STX17: variants seen among roughly 807,000 people sequenced by gnomAD.
The protein encoded by STX17 is syntaxin 17.
In STX17, 29 loss-of-function variants were observed where a neutral mutation model predicts 35.9. The observed-to-expected ratio is 0.81, with a 90% CI of 0.60 to 1.10. The LOEUF (loss-of-function observed/expected upper bound fraction) is 1.10. Among genes scored for constraint, STX17 ranks in the 50% least tolerant of loss-of-function variants. The probability of loss-of-function intolerance (pLI) is 0.00; values close to 1 mark genes in which losing one functional copy is unlikely to be tolerated. For missense variants in STX17, 312 were observed against 352.3 expected (o/e 0.89, Z 0.92); for synonymous variants, 92 against 118.3 (o/e 0.78, Z 1.44).
intron 4 of STX17, among the ~76,000 whole-genome samples, chr9:99,954,945 G>A (rs1453772899): frequency 6.6e-6 from 1 of 152,068 alleles, no homozygotes; most frequent in Non-Finnish European, 1.5e-5. Context: ...GATTCCGAGA[G>A]TTCCTAAAGC....
chr9:99,962,553 A>G (rs1829847583), intron 6 of STX17, among the ~76,000 whole-genome samples: 1 of 152,198 alleles, frequency 6.6e-6, no homozygotes, highest in African/African-American at 2.4e-5. Context: ...CACATGTACA[A>G]AGTTCTTACT....
Position 99,973,864 on chromosome 9 carries a change from T to A in STX17, c.*5191T>A, listed in dbSNP as rs888740297. 6.6e-6 allele frequency among the ~76,000 whole-genome samples: 1 copy of A among 152,162 alleles called. No individual in the cohort carries two copies. The highest frequency in any genetic ancestry group is 1.5e-5 in the Non-Finnish European group (1 of 68,026). On this transcript the variant is annotated 3_prime_UTR_variant, in exon 8 of 8. Transcript: ENST00000259400. ...CTTCTACGTTCTGGCCCCAGCTTTA[T>A]CTCTTGAAACTCACTACTCACCATC...
At chr9:99,950,006 A>C (rs961247165) in intron 3 of STX17, among the ~76,000 whole-genome samples, 5 of 151,780 alleles carry the variant, frequency 3.3e-5, no homozygotes, top group African/African-American at 1.2e-4. Context: ...CTAGCAAATG[A>C]ATTCAGCATT....
At chr9:99,907,829 T>G (rs982170145) in intron 1 of STX17, among the ~76,000 whole-genome samples, 1 of 152,184 alleles carries the variant, frequency 6.6e-6, no homozygotes, top group Admixed American at 6.5e-5. Flanking sequence ...TGATTTTTTT[T>G]CCTGTATTAA....
chr9:99,946,591 C>T (rs1019625505), intron 3 of STX17, among the ~76,000 whole-genome samples: 3 of 152,100 alleles, frequency 2.0e-5, no homozygotes, highest in African/African-American at 4.8e-5. Context: ...TTTCTTTTTG[C>T]ATTTCCAACT....
intron 3 of STX17, among the ~76,000 whole-genome samples, chr9:99,941,442 T>G (rs903603236): frequency 1.3e-5 from 2 of 152,202 alleles, no homozygotes; most frequent in African/African-American, 2.4e-5. Context: ...TGTAGTAGTA[T>G]TTTCTGAAAG....
In STX17 at chr9:99,926,790, G is replaced by A. The variant is rs556994869; in HGVS notation, c.124-1988G>A. On this transcript the variant is annotated intron_variant, in intron 2 of 7. Coordinates refer to ENST00000259400, the MANE Select transcript of STX17 (RefSeq NM_017919.3). ...TGGGATTACAGGCGTGAGCCACTGC[G>A]CCCAGCCTTGAGTCTTTCTTTTAAC... 6.1e-4 allele frequency among the ~76,000 whole-genome samples: 93 copies of A among 152,272 alleles called. 1 individual carries two copies. In the South Asian group the frequency reaches 0.016, roughly 26 times the overall value.
At chr9:99,938,628 T>A (rs1829286473) in intron 3 of STX17, among the ~76,000 whole-genome samples, 2 of 152,146 alleles carry the variant, frequency 1.3e-5, no homozygotes, top group Admixed American at 1.3e-4. Context: ...CTACAAAAAA[T>A]ACCAAAAAAT....
At chr9:99,939,497 T>C (rs773378010) in intron 3 of STX17, among the ~76,000 whole-genome samples, 1 of 152,220 alleles carries the variant, frequency 6.6e-6, no homozygotes, top group African/African-American at 2.4e-5. Context: ...AAGAAAAAAG[T>C]ACTGCCAGTT....
chr9:99,924,323 ATG>A (rs1828946441), intron 2 of STX17, among the ~76,000 whole-genome samples: 1 of 152,134 alleles, frequency 6.6e-6, no homozygotes. Context: ...AACAAAAGAC[ATG>A]TGTCTGTCAT....
In STX17 at chr9:99,970,313, A is replaced by G. The variant is rs1335335820; in HGVS notation, c.*1640A>G. 1 of 152,222 alleles carries G rather than the reference A, an allele frequency of 6.6e-6. No homozygotes were observed. Among genetic ancestry groups the G allele is most frequent in the African/African-American group, 2.4e-5 (1 of 41,448 alleles). The allele number at this position is 152,222 out of a possible 1,614,324, so 9.4% of individuals were successfully genotyped here. ...ATCCAGTGAAACAGCACCATTTCTT[A>G]GTATCATTAAATAACTAGAAAGTAT... is the stretch of plus-strand genomic sequence containing the variant. On this transcript the variant is annotated 3_prime_UTR_variant, in exon 8 of 8. Transcript: ENST00000259400.
At chr9:99,963,915 C>T (rs1202559403) in intron 6 of STX17, among the ~76,000 whole-genome samples, 1 of 151,858 alleles carries the variant, frequency 6.6e-6, no homozygotes, top group African/African-American at 2.4e-5. Context: ...GAGTTTAGAA[C>T]CAGAATAGCT....
chr9:99,949,253 T>C lies in STX17; in HGVS notation c.190-1807T>C, dbSNP rs79402009. ...TTAGGTTTTTCAGCTCATATTAGAA[T>C]GGTAAGAGACTGAAGATAAGGTTAC... On this transcript the variant is annotated intron_variant, in intron 3 of 7. Coordinates refer to ENST00000259400, the MANE Select transcript of STX17 (RefSeq NM_017919.3). Among the ~76,000 whole-genome samples, 1,051 of 152,220 alleles carry C rather than the reference T, an allele frequency of 6.9e-3. 9 individuals carry two copies. The highest frequency in any genetic ancestry group is 0.012 in the Non-Finnish European group (788 of 67,956).
chr9:99,933,783 A>G (rs1829173085), intron 3 of STX17, among the ~76,000 whole-genome samples: 1 of 152,178 alleles, frequency 6.6e-6, no homozygotes, highest in Non-Finnish European at 1.5e-5. Context: ...TTAATTTAAA[A>G]CACATTGTAA....
At chr9:99,948,558 T>C (rs1829529874) in intron 3 of STX17, among the ~76,000 whole-genome samples, 1 of 152,138 alleles carries the variant, frequency 6.6e-6, no homozygotes, top group Non-Finnish European at 1.5e-5. Context: ...TTTGAACTTC[T>C]TGCTTTAATT....
intron 2 of STX17, among the ~76,000 whole-genome samples, chr9:99,922,520 G>A (rs1587915001): frequency 6.6e-6 from 1 of 152,144 alleles, no homozygotes; most frequent in African/African-American, 2.4e-5. Context: ...CTTGCTGAAC[G>A]AGAACATCAA....
intron 6 of STX17, among the ~76,000 whole-genome samples, chr9:99,963,160 AAG>A (rs1829859229): frequency 6.6e-6 from 1 of 152,218 alleles, no homozygotes; most frequent in African/African-American, 2.4e-5. Flanking sequence ...CCACTATAAA[AAG>A]AACTTACAAA....
At chr9:99,918,498 CTA>C (rs1320966610) in intron 2 of STX17, among the ~76,000 whole-genome samples, 3 of 151,222 alleles carry the variant, frequency 2.0e-5, no homozygotes, top group East Asian at 3.9e-4. Flanking sequence ...TAACATCTTT[CTA>C]TAGTTTTTTT....
At chr9:99,956,921 G>C (rs912499461) in intron 4 of STX17, among the ~76,000 whole-genome samples, 1 of 152,150 alleles carries the variant, frequency 6.6e-6, no homozygotes, top group Non-Finnish European at 1.5e-5. Context: ...CATGAACTTA[G>C]AGTTATAATT....
Sources: gnomAD v4.1 joint callset for allele counts (sites outside exome capture counted in the v4.1 genomes callset) on GRCh38, gnomAD v4.1.1 for gene constraint, MANE v1.5 for transcripts, NCBI Gene and HGNC (gene_info 2026-07-23, HGNC 2026-07-21) for gene names.